CACNA2D1: variants seen among roughly 807,000 people sequenced by gnomAD.
CACNA2D1 encodes calcium voltage-gated channel auxiliary subunit alpha2delta 1, also known as voltage-dependent calcium channel subunit alpha-2/delta-1.
CACNA2D1 carries 53 observed loss-of-function variants against 171.5 expected under a neutral mutation model. The ratio of observed to expected loss-of-function variants is 0.31; its 90% CI spans 0.25 to 0.39. CACNA2D1 has a LOEUF of 0.39. Among genes scored for constraint, CACNA2D1 ranks in the 10% least tolerant of loss-of-function variants. CACNA2D1 has a pLI of 1.00. For synonymous variants in CACNA2D1, 442 were observed against 443.1 expected (o/e 1.00, Z 0.03); for missense variants, 903 against 1,299.8 (o/e 0.69, Z 4.69).
At chr7:82,160,080 GA>G (rs1209631016) in intron 4 of CACNA2D1, among the ~76,000 whole-genome samples, 2 of 151,814 alleles carry the variant, frequency 1.3e-5, no homozygotes, top group African/African-American at 4.8e-5. Context: ...AAACCAGTGG[GA>G]AAAAAATCAG....
At chr7:82,236,699 T>C (rs1383773221) in intron 3 of CACNA2D1, among the ~76,000 whole-genome samples, 5 of 152,078 alleles carry the variant, frequency 3.3e-5, no homozygotes, top group Non-Finnish European at 4.4e-5. Flanking sequence ...TTATTAGTAG[T>C]GTTTCTTACA....
intron 3 of CACNA2D1, among the ~76,000 whole-genome samples, chr7:82,202,260 G>A (rs192733664): frequency 1.3e-5 from 2 of 152,304 alleles, no homozygotes; most frequent in Admixed American, 6.5e-5. Flanking sequence ...GTAAAGCCAT[G>A]TCGAAATTCC....
intron 3 of CACNA2D1, among the ~76,000 whole-genome samples, chr7:82,319,148 T>C (rs1040102354): frequency 6.6e-6 from 1 of 152,180 alleles, no homozygotes; most frequent in Non-Finnish European, 1.5e-5. Context: ...CTTAGTACAG[T>C]GTCTAGTATA....
intron 9 of CACNA2D1, among the ~76,000 whole-genome samples, chr7:82,062,305 GT>G (rs1807032904): frequency 6.6e-6 from 1 of 151,974 alleles, no homozygotes; most frequent in Admixed American, 6.6e-5. Flanking sequence ...CTCCATAAAT[GT>G]CCCCAGACTT....
intron 19 of CACNA2D1, 88 bp downstream of exon 19, chr7:81,997,091 C>T (rs1453721814): frequency 1.2e-6 from 1 of 809,462 alleles, no homozygotes; most frequent in Admixed American, 1.7e-5. Context: ...CAAGCTAACA[C>T]ATTGTAGCCG....
intron 1 of CACNA2D1, among the ~76,000 whole-genome samples, chr7:82,386,760 A>G (rs1204604912): frequency 6.7e-6 from 1 of 150,224 alleles, no homozygotes; most frequent in Non-Finnish European, 1.5e-5. Context: ...ATAAATAAAT[A>G]AATAAATAAA....
intron 1 of CACNA2D1, among the ~76,000 whole-genome samples, chr7:82,382,834 TG>T (rs1823861662): frequency 6.6e-6 from 1 of 152,174 alleles, no homozygotes; most frequent in Admixed American, 6.5e-5. Context: ...ATATAACTGG[TG>T]TTCAAAAACA....
At chr7:82,040,697 G>A (rs1265395727) in intron 10 of CACNA2D1, among the ~76,000 whole-genome samples, 7 of 152,044 alleles carry the variant, frequency 4.6e-5, no homozygotes, top group East Asian at 1.9e-4. Context: ...CAGTAGGGCC[G>A]GGCACAGTGG....
At chr7:82,170,867 G>C (rs534366763) in intron 3 of CACNA2D1, among the ~76,000 whole-genome samples, 1 of 152,050 alleles carries the variant, frequency 6.6e-6, no homozygotes, top group Non-Finnish European at 1.5e-5. Context: ...ATCAGCTATA[G>C]TGTCCTCTAT....
intron 1 of CACNA2D1, among the ~76,000 whole-genome samples, chr7:82,379,214 A>G (rs566140720): frequency 6.6e-6 from 1 of 152,130 alleles, no homozygotes; most frequent in African/African-American, 2.4e-5. Context: ...TTCATTTGTA[A>G]GCTTTAAAAA....
intron 3 of CACNA2D1, among the ~76,000 whole-genome samples, chr7:82,227,960 G>A (rs1231727314): frequency 1.3e-5 from 2 of 152,034 alleles, no homozygotes; most frequent in African/African-American, 4.8e-5. Context: ...AAGTGTACAT[G>A]TACCCCCGGC....
Position 81,946,477 on chromosome 7 carries a change from A to G in CACNA2D1, c.*3915T>C, listed in dbSNP as rs1404989425. 1 of 152,126 alleles carries G rather than the reference A, an allele frequency of 6.6e-6. No individual in the cohort carries two copies. Among genetic ancestry groups the G allele is most frequent in the Non-Finnish European group, 1.5e-5 (1 of 68,016 alleles). 9.4% of individuals were successfully genotyped at this position (152,126 alleles called of 1,614,324 possible). A position where few individuals can be genotyped will look rare whatever the true frequency, so the allele number is the denominator to read the frequency against. On this transcript the variant is annotated 3_prime_UTR_variant, in exon 39 of 39. Transcript: ENST00000356860. The stretch of plus-strand genomic sequence containing the variant: ...AATGATAAACTTTTATTCTGAATAT[A>G]CTGTTTTTGCACAAGATTTAACACA...
intron 1 of CACNA2D1, among the ~76,000 whole-genome samples, chr7:82,410,134 T>TA: frequency 6.6e-6 from 1 of 152,376 alleles, no homozygotes; most frequent in East Asian, 1.9e-4. Context: ...CTATTACACT[T>TA]ACTTTTCTCC....
chr7:82,170,735 T>A (rs1233865721), intron 3 of CACNA2D1, 126 bp from the exon 4 acceptor site: 5 of 828,028 alleles, frequency 6.0e-6, no homozygotes, highest in Non-Finnish European at 1.0e-5. Context: ...TTATTTATGA[T>A]TCATAAATTC....
chr7:81,999,715 A>C (rs918632832), intron 18 of CACNA2D1, among the ~76,000 whole-genome samples: 2 of 152,180 alleles, frequency 1.3e-5, no homozygotes, highest in Non-Finnish European at 1.5e-5. Flanking sequence ...AATTCACTAA[A>C]ATGCACATGA....
At chr7:82,233,747 A>G (rs548321543) in intron 3 of CACNA2D1, among the ~76,000 whole-genome samples, 1 of 152,076 alleles carries the variant, frequency 6.6e-6, no homozygotes, top group African/African-American at 2.4e-5. Flanking sequence ...ACTCGCAGAG[A>G]GTAGTTATAT....
intron 24 of CACNA2D1, among the ~76,000 whole-genome samples, chr7:81,981,316 C>T (rs966824035): frequency 1.3e-5 from 2 of 152,114 alleles, no homozygotes; most frequent in African/African-American, 4.8e-5. Flanking sequence ...AGTGTGTCAT[C>T]AAGCAAGAGA....
intron 7 of CACNA2D1, among the ~76,000 whole-genome samples, chr7:82,076,249 A>G (rs1472051297): frequency 6.6e-6 from 1 of 152,144 alleles, no homozygotes; most frequent in Non-Finnish European, 1.5e-5. Flanking sequence ...CCTTTTGTGT[A>G]TGTGTAAAAT....
At chr7:82,245,980 A>G (rs1804869850) in intron 3 of CACNA2D1, among the ~76,000 whole-genome samples, 1 of 152,080 alleles carries the variant, frequency 6.6e-6, no homozygotes, top group African/African-American at 2.4e-5. Flanking sequence ...TCTATTGTCT[A>G]TGTATAGAGA....
Sources: gnomAD v4.1 joint callset for allele counts (sites outside exome capture counted in the v4.1 genomes callset) on GRCh38, gnomAD v4.1.1 for gene constraint, MANE v1.5 for transcripts, NCBI Gene and HGNC (gene_info 2026-07-23, HGNC 2026-07-21) for gene names.